PCNT: variants seen among roughly 807,000 people sequenced by gnomAD.
PCNT encodes kendrin.
A neutral mutation model predicts 380.4 loss-of-function variants in PCNT; 319 were observed. That is an observed-to-expected ratio of 0.84 (90% CI 0.77 to 0.92). The LOEUF (loss-of-function observed/expected upper bound fraction) is 0.92. Ranked by LOEUF, PCNT falls within the 40% of genes least tolerant of loss-of-function variation. The pLI, the probability that PCNT is intolerant of heterozygous loss-of-function variation, is 0.00. For synonymous variants in PCNT, 1,845 were observed against 1,735.2 expected, an observed-to-expected ratio of 1.06 and a Z score of -1.57; for missense variants, 4,400 against 4,255.3, an observed-to-expected ratio of 1.03 and a Z score of -0.95.
At position 46,388,749 on chromosome 21, in the gene PCNT, C is replaced by G; in HGVS notation, c.3472C>G (p.Leu1158Val). Residue 1158 changes from leucine to valine, a missense_variant, in exon 18 of 47, where the codon CTC (leucine) becomes GTC (valine). Transcript: ENST00000359568. This position sits in a 1 kb window ranked among gnomAD's most constrained non-coding sequence, Gnocchi z 4.2. ...GGGTGTCTCCTGTCTCAGAGGGGCC[C>G]TCCAGGACGCCCTGCGCAGGCTGCT... ...VNLSHSERGA[L>V]QDALRRLLGL... 6.2e-7 allele frequency: 1 copy of G among 1,613,872 alleles called. No individual in the cohort carries two copies. Among genetic ancestry groups the G allele is most frequent in the Non-Finnish European group, 8.5e-7 (1 of 1,179,980 alleles).
At chr21:46,385,684 G>A (rs995585045) in intron 16 of PCNT, 148 bp from the exon 17 acceptor site, 31 of 855,628 alleles carry the variant, frequency 3.6e-5, no homozygotes, top group African/African-American at 2.1e-4. Flanking sequence ...GGAACGTGCC[G>A]AAGTGCCTGC....
At chr21:46,433,413 C>T (rs538285276) in intron 38 of PCNT, among the ~76,000 whole-genome samples, 14 of 152,122 alleles carry the variant, frequency 9.2e-5, no homozygotes, top group African/African-American at 1.7e-4. Flanking sequence ...TTGGAATAGT[C>T]GTAGTTTTTT....
intron 13 of PCNT, among the ~76,000 whole-genome samples, chr21:46,361,187 C>T (rs1455380136): frequency 1.3e-5 from 2 of 152,104 alleles, no homozygotes; most frequent in Admixed American, 6.5e-5. Context: ...GAGTTTGAGA[C>T]CAGCCTGGCC....
At chr21:46,403,580 A>G (rs1283476474) in intron 27 of PCNT, among the ~76,000 whole-genome samples, 4 of 84,704 alleles carry the variant, frequency 4.7e-5, no homozygotes, top group Non-Finnish European at 4.6e-5. Context: ...CCCACGTGGC[A>G]CATGCTCGGT....
In PCNT at chr21:46,363,656, G is replaced by C; in HGVS notation, c.2331G>C (p.Lys777Asn). The C allele has an allele frequency of 1.2e-6, 2 of 1,614,226 alleles. No individual in the cohort carries two copies. The highest frequency in any genetic ancestry group is 1.3e-5 in the African/African-American group (1 of 75,062). The change falls in exon 14 of 47, where the codon AAG becomes AAC. Residue 777 changes from lysine (K) to asparagine (N), a missense_variant. Lys to Asn is a moderately conservative substitution (Grantham distance 94). Coordinates refer to ENST00000359568, the MANE Select transcript of PCNT (RefSeq NM_006031.6). ...TGATGCTACTTGAACTGAGAGAAAA[G>C]GCTGAATCCGAGAAACAGACCATCA... ...LTLMLLELRE[K>N]AESEKQTIIN...
At position 46,401,678 on chromosome 21, in the gene PCNT, A is replaced by T. The variant is rs758341390; in HGVS notation, c.4919A>T (p.Gln1640Leu). Residue 1640 changes from glutamine (Q) to leucine (L), a missense_variant, in exon 26 of 47, where the codon CAG becomes CTG. Transcript: ENST00000359568. ...AGCCCTCCTGAGGGTCCAGAAATACAGTTAGAGGTGACACAGAGAGCACTC... is the reference window on the plus strand; with the variant it reads ...AGCCCTCCTGAGGGTCCAGAAATACTGTTAGAGGTGACACAGAGAGCACTC... ...SGSPPEGPEI[Q>L]LEVTQRALLR... The T allele has an allele frequency of 1.9e-6, 3 of 1,613,952 alleles. No homozygotes were observed. Among genetic ancestry groups the T allele is most frequent in the Non-Finnish European group, 2.5e-6 (3 of 1,180,010 alleles).
At chr21:46,440,353 T>G in intron 42 of PCNT, 151 bp downstream of exon 42, 1 of 856,332 alleles carries the variant, frequency 1.2e-6, no homozygotes, top group South Asian at 1.4e-5. Context: ...CAGAATAAAC[T>G]TCGGCTTGAA....
At position 46,371,202 on chromosome 21, in the gene PCNT, T is replaced by TTTTC. The variant is rs1191097692; in HGVS notation, c.3165+4075_3165+4078dup. ...AGAAATCTGCACACAGTATGGTTTA[T>TTTTC]TTTCTTTCTTTCTTTTTTTTTTTTT... On this transcript the variant is annotated intron_variant, in intron 15 of 46. Transcript: ENST00000359568. Among the ~76,000 whole-genome samples, 96 of 147,104 alleles carry TTTTC rather than the reference T, an allele frequency of 6.5e-4. 2 individuals are homozygous for TTTTC. The highest frequency in any genetic ancestry group is 6.5e-4 in the South Asian group (3 of 4,644).
Position 46,352,135 on chromosome 21 carries a change from C to T in PCNT, c.1456+595C>T, listed in dbSNP as rs1167644449. On this transcript the variant is annotated intron_variant, in intron 9 of 46. Transcript: ENST00000359568. ...ATTCAGGCACCGGCGCCCAGGTCCA[C>T]AGGACAGGAGGGTGAGCCACTGCGT... Among the ~76,000 whole-genome samples, 4 of 152,266 alleles carry T rather than the reference C, an allele frequency of 2.6e-5. No homozygotes were observed. The East Asian group carries it at 5.8e-4, about 22-fold the overall frequency.
At chr21:46,385,672 G>A (rs927862345) in intron 16 of PCNT, among the ~76,000 whole-genome samples, 160 bp from the exon 17 acceptor site, 2 of 152,190 alleles carry the variant, frequency 1.3e-5, no homozygotes, top group African/African-American at 2.4e-5. Context: ...GTTGTGAGTC[G>A]AGGAACGTGC....
At chr21:46,439,285 G>T (rs748901970) in intron 41 of PCNT, among the ~76,000 whole-genome samples, 1 of 152,106 alleles carries the variant, frequency 6.6e-6, no homozygotes, top group Non-Finnish European at 1.5e-5. Flanking sequence ...TCCCAGAAAG[G>T]TGTGTCAGTG....
Position 46,436,008 on chromosome 21 carries a change from C to T in PCNT, c.8856C>T (p.Leu2952=), listed in dbSNP as rs750154613. Residue 2952 remains leucine (L), a synonymous_variant, in exon 39 of 47, where the codon CTC becomes CTT. Coordinates refer to ENST00000359568, the MANE Select transcript of PCNT (RefSeq NM_006031.6). ...ESKDEVPGSR[L]HLGSARRAAG... The stretch of plus-strand genomic sequence containing the variant: ...AGGACGAGGTGCCTGGCAGCCGCCT[C>T]CACCTAGGTTCTGCCCGCAGGGCTG... 1.9e-6 allele frequency: 3 copies of T among 1,614,148 alleles called. No homozygotes were observed. Among genetic ancestry groups the T allele is most frequent in the Middle Eastern group, 3.3e-4 (2 of 6,062 alleles).
chr21:46,427,821 C>G, intron 34 of PCNT, 26 bp downstream of exon 34: 1 of 1,611,942 alleles, frequency 6.2e-7, no homozygotes, highest in South Asian at 1.1e-5. Flanking sequence ...GCCACCAGGC[C>G]TCAGTTTGCC....
intron 34 of PCNT, among the ~76,000 whole-genome samples, 189 bp downstream of exon 34, chr21:46,427,984 C>G (rs771188640): frequency 2.0e-5 from 3 of 152,226 alleles, no homozygotes; most frequent in Non-Finnish European, 1.5e-5. Context: ...CCACCTGCAG[C>G]TGTAACAGGA....
At chr21:46,387,006 C>T (rs993468372) in intron 17 of PCNT, among the ~76,000 whole-genome samples, 1 of 152,198 alleles carries the variant, frequency 6.6e-6, no homozygotes, top group African/African-American at 2.4e-5. Flanking sequence ...TCTGTCCCCG[C>T]CCCAGGCCTC....
chr21:46,366,327 A>G (rs990435992), intron 14 of PCNT, among the ~76,000 whole-genome samples: 1 of 151,788 alleles, frequency 6.6e-6, no homozygotes, highest in Admixed American at 6.6e-5. Context: ...GCTGGTTCCT[A>G]CCTGTGGTCT....
rs1191568163 is a variant in PCNT at position 46,391,241 on chromosome 21, C to G, written c.4081C>G (p.Leu1361Val). The stretch of plus-strand genomic sequence containing the variant: ...CGGGAAGGAGGATTCCGAGCACCGT[C>G]TGGTGCTGGAGCTGGAGAGCCTGAG... The part of the protein sequence containing the change: ...LAGKEDSEHR[L>V]VLELESLRRQ... The change falls in exon 21 of 47, where the codon CTG (leucine) becomes GTG (valine). Residue 1361 changes from leucine to valine, a missense_variant. Coordinates refer to ENST00000359568, the MANE Select transcript of PCNT (RefSeq NM_006031.6). 6 of 1,607,036 alleles carry G rather than the reference C, an allele frequency of 3.7e-6. No individual in the cohort carries two copies. Among genetic ancestry groups the G allele is most frequent in the Non-Finnish European group, 5.1e-6 (6 of 1,177,098 alleles).
chr21:46,381,559 G>T, intron 15 of PCNT, 135 bp from the exon 16 acceptor site: 2 of 795,982 alleles, frequency 2.5e-6, no homozygotes, highest in Non-Finnish European at 4.3e-6. Flanking sequence ...TGGGGGCTGT[G>T]GTCTGGCTCA....
chr21:46,327,468 A>C (rs181926192), intron 2 of PCNT, among the ~76,000 whole-genome samples: 1 of 151,726 alleles, frequency 6.6e-6, no homozygotes, highest in African/African-American at 2.4e-5. Flanking sequence ...TGGTGTGATC[A>C]CAGGTCACTG....
Sources: allele counts gnomAD v4.1 joint callset (sites outside exome capture counted in the v4.1 genomes callset), GRCh38; gene constraint gnomAD v4.1.1; non-coding constraint Gnocchi (gnomAD v3.1); transcripts MANE v1.5; gene names NCBI Gene and HGNC (gene_info 2026-07-23, HGNC 2026-07-21).